The following PDZD2 variants were observed in gnomAD, a reference collection of about 807,000 sequenced individuals.
The protein encoded by PDZD2 is PDZ domain containing 2, also known as PDZ domain-containing protein 2.
In PDZD2, 90 loss-of-function variants were observed where a neutral mutation model predicts 220.7. The observed-to-expected ratio is 0.41, with a 90% CI of 0.34 to 0.49. The LOEUF is 0.49. PDZD2 is among the 20% of genes least tolerant of loss of function. PDZD2 has a pLI of 0.28. For synonymous variants in PDZD2, 1,375 were observed against 1,450.5 expected (o/e 0.95, Z 1.18); for missense variants, 3,174 against 3,608.5 (o/e 0.88, Z 3.08).
chr5:32,030,636 C>T lies in PDZD2; in HGVS notation c.1408-6595C>T, dbSNP rs148475391. Among the ~76,000 whole-genome samples, 65 of 152,232 alleles carry T rather than the reference C, an allele frequency of 4.3e-4. 1 individual carries two copies. Among genetic ancestry groups the T allele is most frequent in the African/African-American group, 1.5e-3 (63 of 41,528 alleles). On this transcript the variant is annotated intron_variant, in intron 6 of 24. Transcript: ENST00000438447. Reference sequence around the variant, plus strand: ...AGACCTTTTTTCCTAACATACTAATCTAGATAATATACAGGGTCCATCACT... The same window carrying T: ...AGACCTTTTTTCCTAACATACTAATTTAGATAATATACAGGGTCCATCACT...
intron 2 of PDZD2, among the ~76,000 whole-genome samples, chr5:31,948,473 A>C (rs1746863043): frequency 6.6e-6 from 1 of 152,192 alleles, no homozygotes; most frequent in Non-Finnish European, 1.5e-5. Flanking sequence ...TCCCTAGAAC[A>C]GATAAAGCTT....
intron 1 of PDZD2, among the ~76,000 whole-genome samples, chr5:31,644,518 T>C (rs1054060009): frequency 6.6e-6 from 1 of 152,214 alleles, no homozygotes; most frequent in African/African-American, 2.4e-5. Flanking sequence ...ATAAGGCGGC[T>C]GAGCCGAGAG....
chr5:32,086,969 A>G (rs963007987), intron 19 of PDZD2, among the ~76,000 whole-genome samples, 162 bp from the exon 20 acceptor site: 5 of 151,034 alleles, frequency 3.3e-5, no homozygotes, highest in African/African-American at 1.2e-4. Flanking sequence ...GATTACAAGC[A>G]TGCGCCACCA....
At chr5:31,974,489 T>C (rs1030944061) in intron 2 of PDZD2, among the ~76,000 whole-genome samples, 1 of 152,228 alleles carries the variant, frequency 6.6e-6, no homozygotes, top group Admixed American at 6.5e-5. Flanking sequence ...AAAAGACCAA[T>C]TATAAACTGA....
At chr5:32,020,321 A>C (rs2112132967) in intron 6 of PDZD2, among the ~76,000 whole-genome samples, 1 of 151,858 alleles carries the variant, frequency 6.6e-6, no homozygotes, top group African/African-American at 2.4e-5. Flanking sequence ...AGAATATATT[A>C]AGACTCAAAG....
chr5:32,087,131 A>G lies in PDZD2; in HGVS notation c.3683A>G (p.Glu1228Gly). The part of the protein sequence containing the change: ...ASELGQQPMT[E>G]LDSSSDLISS... ...CCTTCTGTTTACGTTCCCCACGTAG[A>G]ACTGGACAGCTCCTCAGACCTCATC... Residue 1228 changes from glutamate to glycine, a missense_variant and splice_region_variant, in exon 20 of 25, where the codon GAA becomes GGA. Physicochemically the swap from Glu to Gly is moderately conservative, Grantham distance 98. Coordinates refer to ENST00000438447, the MANE Select transcript of PDZD2 (RefSeq NM_178140.4). The surrounding 1 kb of genome is among the most constrained non-coding windows in gnomAD (Gnocchi z 4.0). 6.3e-7 allele frequency: 1 copy of G among 1,595,928 alleles called. No homozygotes were observed. The highest frequency in any genetic ancestry group is 8.6e-7 in the Non-Finnish European group (1 of 1,164,596).
intron 14 of PDZD2, among the ~76,000 whole-genome samples, chr5:32,068,582 G>A (rs1345121207): frequency 1.3e-5 from 2 of 152,196 alleles, no homozygotes; most frequent in African/African-American, 4.8e-5. Context: ...CCAGACTACA[G>A]ACACACTTTG....
chr5:32,024,102 G>A (rs1215826854), intron 6 of PDZD2, among the ~76,000 whole-genome samples: 1 of 152,218 alleles, frequency 6.6e-6, no homozygotes, highest in East Asian at 1.9e-4. Context: ...GCCCCGTAGT[G>A]CAAGCAATGA....
intron 1 of PDZD2, among the ~76,000 whole-genome samples, chr5:31,667,753 C>T (rs1746050098): frequency 6.6e-6 from 1 of 152,066 alleles, no homozygotes; most frequent in Non-Finnish European, 1.5e-5. Flanking sequence ...GCTCCCTGAC[C>T]CCTGCTCACC....
chr5:32,023,042 G>A (rs924632351), intron 6 of PDZD2, among the ~76,000 whole-genome samples: 2 of 152,192 alleles, frequency 1.3e-5, no homozygotes, highest in East Asian at 3.9e-4. Flanking sequence ...GCGGGAAGCC[G>A]TGTGAGTGAC....
intron 2 of PDZD2, among the ~76,000 whole-genome samples, chr5:31,941,918 A>G (rs1468576968): frequency 6.6e-6 from 1 of 152,208 alleles, no homozygotes; most frequent in Non-Finnish European, 1.5e-5. Flanking sequence ...TGGGGATAGA[A>G]TCTGCTGTCA....
chr5:31,739,547 G>C (rs1202093017), intron 1 of PDZD2, among the ~76,000 whole-genome samples: 1 of 152,070 alleles, frequency 6.6e-6, no homozygotes, highest in Non-Finnish European at 1.5e-5. Flanking sequence ...CAAAAAGTTA[G>C]CAGAAAATGG....
chr5:31,822,863 T>A, intron 2 of PDZD2: 2 of 780,406 alleles, frequency 2.6e-6, no homozygotes, highest in Non-Finnish European at 4.4e-6. Context: ...ACAGACCTCA[T>A]CTTGTAACGG....
chr5:32,035,766 A>C (rs1755490428), intron 6 of PDZD2, among the ~76,000 whole-genome samples: 1 of 152,218 alleles, frequency 6.6e-6, no homozygotes, highest in Admixed American at 6.5e-5. Flanking sequence ...TTTTGAATAC[A>C]TACAAAAAGC....
intron 2 of PDZD2, among the ~76,000 whole-genome samples, chr5:31,944,268 CT>C (rs1746451114): frequency 6.6e-6 from 1 of 152,136 alleles, no homozygotes; most frequent in South Asian, 2.1e-4. Context: ...GTCTTAAGGG[CT>C]ACCATTTGAT....
intron 2 of PDZD2, among the ~76,000 whole-genome samples, chr5:31,972,652 G>A (rs1303715347): frequency 1.3e-5 from 2 of 152,204 alleles, no homozygotes; most frequent in African/African-American, 4.8e-5. Flanking sequence ...TGAACAACTA[G>A]TAATTTTATG....
Position 32,014,316 on chromosome 5 carries a change from C to T in PDZD2, c.1407+3834C>T, listed in dbSNP as rs113775888. ...AATGCTGAGGATCTGCCATGCGTCC[C>T]CTTATGATTTATTTTTAATGGCTAC... On this transcript the variant is annotated intron_variant, in intron 6 of 24. Coordinates refer to ENST00000438447, the MANE Select transcript of PDZD2 (RefSeq NM_178140.4). Among the ~76,000 whole-genome samples the T allele has an allele frequency of 2.6e-3, 400 of 152,214 alleles. 3 individuals are homozygous for T. Among genetic ancestry groups the T allele is most frequent in the African/African-American group, 9.2e-3 (384 of 41,526 alleles).
rs903417095 is a variant in PDZD2 at position 31,877,209 on chromosome 5, T to TTTTG, written c.476+77505_476+77508dup. On this transcript the variant is annotated intron_variant, in intron 2 of 24. Coordinates refer to ENST00000438447, the MANE Select transcript of PDZD2 (RefSeq NM_178140.4). The stretch of plus-strand genomic sequence containing the variant: ...TTAGTACTTTATCAGAAAGTTGTTT[T>TTTTG]TTTGTTTGTTTGTTTGTTTGTTTTG... 1.9e-4 allele frequency among the ~76,000 whole-genome samples: 29 copies of TTTTG among 152,198 alleles called. No homozygotes were observed. In the South Asian group the frequency reaches 2.3e-3, roughly 12 times the overall value.
intron 1 of PDZD2, among the ~76,000 whole-genome samples, chr5:31,788,302 T>C (rs145013359): frequency 0.023 from 3,404 of 150,868 alleles, 111 homozygotes; most frequent in African/African-American, 0.078. Flanking sequence ...ACCCAGGAGG[T>C]GGAGGTTGCA....
Sources: allele counts gnomAD v4.1 joint callset (sites outside exome capture counted in the v4.1 genomes callset), GRCh38; gene constraint gnomAD v4.1.1; non-coding constraint Gnocchi (gnomAD v3.1); transcripts MANE v1.5; gene names NCBI Gene and HGNC (gene_info 2026-07-23, HGNC 2026-07-21).